Variants in IL1RAPL2 observed in about 807,000 individuals in gnomAD.
IL1RAPL2 encodes the protein interleukin 1 receptor accessory protein like 2, also known as X-linked interleukin-1 receptor accessory protein-like 2.
Under a neutral mutation model 44.1 loss-of-function variants are expected in IL1RAPL2, and 3 were observed. The ratio of observed to expected loss-of-function variants is 0.07; its 90% CI spans 0.03 to 0.18. The LOEUF is 0.18. Ranked by LOEUF, IL1RAPL2 falls within the 10% of genes least tolerant of loss-of-function variation. The pLI, the probability that IL1RAPL2 is intolerant of heterozygous loss-of-function variation, is 1.00. For missense variants in IL1RAPL2, 391 were observed against 496.4 expected, an observed-to-expected ratio of 0.79 and a Z score of 2.02; for synonymous variants, 181 against 178.8, an observed-to-expected ratio of 1.01 and a Z score of -0.10.
intron 3 of IL1RAPL2, among the ~76,000 whole-genome samples, chrX:105,203,976 C>CA (rs1303533795): frequency 3.6e-5 from 4 of 111,371 alleles, no homozygotes; most frequent in South Asian, 7.5e-4. Context: ...TCCTCCTGCC[C>CA]AAAAAAGCCC....
chrX:105,431,575 TC>T (rs1165327463), intron 5 of IL1RAPL2, among the ~76,000 whole-genome samples: 1 of 111,476 alleles, frequency 9.0e-6, no homozygotes, highest in Non-Finnish European at 1.9e-5. Context: ...TAACCAAGCT[TC>T]TTCCCTTAAA....
At chrX:104,902,540 T>G (rs1352385429) in intron 2 of IL1RAPL2, among the ~76,000 whole-genome samples, 1 of 111,345 alleles carries the variant, frequency 9.0e-6, no homozygotes, top group Non-Finnish European at 1.9e-5. Flanking sequence ...CTGTGTAGAT[T>G]TAAAAAGAAA....
At chrX:104,770,931 T>G (rs1307623856) in intron 2 of IL1RAPL2, among the ~76,000 whole-genome samples, 2 of 111,570 alleles carry the variant, frequency 1.8e-5, no homozygotes, top group Non-Finnish European at 3.8e-5. Flanking sequence ...GAGATTCACT[T>G]ATTTTGATGA....
chrX:104,698,294 T>G (rs948281908), intron 2 of IL1RAPL2, among the ~76,000 whole-genome samples: 1 of 112,176 alleles, frequency 8.9e-6, no homozygotes, highest in Non-Finnish European at 1.9e-5. Context: ...AGTCACTAGG[T>G]CCAACTGTAC....
intron 2 of IL1RAPL2, among the ~76,000 whole-genome samples, chrX:105,072,132 A>C (rs1284601494): frequency 9.0e-6 from 1 of 111,204 alleles, no homozygotes; most frequent in Non-Finnish European, 1.9e-5. Flanking sequence ...GTTCTCATAA[A>C]AATGAGGGAG....
At chrX:104,922,097 C>T (rs972403942) in intron 2 of IL1RAPL2, among the ~76,000 whole-genome samples, 3 of 112,116 alleles carry the variant, frequency 2.7e-5, no homozygotes, top group Non-Finnish European at 5.6e-5. Flanking sequence ...CTTGCCCAAC[C>T]CAGCCCTGCC....
chrX:105,546,007 G>A (rs1350248818), intron 6 of IL1RAPL2, among the ~76,000 whole-genome samples: 1 of 111,296 alleles, frequency 9.0e-6, no homozygotes, highest in Non-Finnish European at 1.9e-5. Flanking sequence ...TGTCCAAGAT[G>A]ATCACTTCCA....
intron 2 of IL1RAPL2, among the ~76,000 whole-genome samples, chrX:104,681,205 G>A (rs1358644168): frequency 1.8e-5 from 2 of 111,943 alleles, no homozygotes; most frequent in Non-Finnish European, 3.8e-5. Context: ...TTAATACACT[G>A]AAATGTATAT....
chrX:104,578,919 AATT>A lies in IL1RAPL2; in HGVS notation c.-20+11871_-20+11873del, dbSNP rs770268815. Among the ~76,000 whole-genome samples the A allele has an allele frequency of 1.8e-4, 20 of 111,870 alleles. No individual in the cohort carries two copies. The East Asian group carries it at 5.1e-3, about 28-fold the overall frequency. On this transcript the variant is annotated intron_variant, in intron 1 of 10. Coordinates refer to ENST00000372582, the MANE Select transcript of IL1RAPL2 (RefSeq NM_017416.2). ...CAACTTAATATTCATAATAATGTAA[AATT>A]ATCACATAGCTATATTTGAATAATT...
At chrX:105,405,896 G>A in intron 5 of IL1RAPL2, 1 of 1,166,800 alleles carries the variant, frequency 8.6e-7, no homozygotes, top group Non-Finnish European at 1.2e-6. Flanking sequence ...AAGGTGGACT[G>A]ATTGATGATA....
At position 104,911,483 on chromosome X, in the gene IL1RAPL2, G is replaced by A. The variant is rs1220555142; in HGVS notation, c.82+252488G>A. 3.6e-5 allele frequency among the ~76,000 whole-genome samples: 4 copies of A among 110,981 alleles called. 1 individual carries two copies. Among genetic ancestry groups the A allele is most frequent in the Non-Finnish European group, 5.7e-5 (3 of 52,968 alleles). ...TTATACTCAATATCTAGTGAGTGAG[G>A]TCCTGTTGACTCTGCCTCTTAAACA... is the stretch of plus-strand genomic sequence containing the variant. On this transcript the variant is annotated intron_variant, in intron 2 of 10. Coordinates refer to ENST00000372582, the MANE Select transcript of IL1RAPL2 (RefSeq NM_017416.2).
chrX:104,783,729 T>A (rs1932785542), intron 2 of IL1RAPL2, among the ~76,000 whole-genome samples: 1 of 108,323 alleles, frequency 9.2e-6, no homozygotes, highest in South Asian at 4.2e-4. Flanking sequence ...CAGCTCTGTA[T>A]CTTCAATGTC....
intron 5 of IL1RAPL2, among the ~76,000 whole-genome samples, chrX:105,482,642 A>C (rs2036240086): frequency 9.0e-6 from 1 of 111,488 alleles, no homozygotes; most frequent in Non-Finnish European, 1.9e-5. Flanking sequence ...GAATCTCTCC[A>C]AATTTGTATA....
At chrX:105,471,323 A>G (rs2036164422) in intron 5 of IL1RAPL2, among the ~76,000 whole-genome samples, 2 of 112,205 alleles carry the variant, frequency 1.8e-5, no homozygotes, top group Admixed American at 1.9e-4. Context: ...TTAACACAGA[A>G]CCTATGCTTT....
At chrX:104,608,482 G>A (rs745520713) in intron 1 of IL1RAPL2, among the ~76,000 whole-genome samples, 7 of 110,410 alleles carry the variant, frequency 6.3e-5, no homozygotes, top group Non-Finnish European at 1.1e-4. Flanking sequence ...TCTCTTTGTA[G>A]TTCTCTAAGA....
At chrX:104,895,198 G>A (rs1923603435) in intron 2 of IL1RAPL2, among the ~76,000 whole-genome samples, 1 of 112,141 alleles carries the variant, frequency 8.9e-6, no homozygotes, top group Admixed American at 9.4e-5. Context: ...TGCCCCTACT[G>A]GGGGGTGCCT....
chrX:105,492,877 T>C (rs2036331020), intron 6 of IL1RAPL2, among the ~76,000 whole-genome samples: 1 of 110,729 alleles, frequency 9.0e-6, no homozygotes, highest in African/African-American at 3.3e-5. Flanking sequence ...TCATAACATT[T>C]TCAACACCCC....
intron 3 of IL1RAPL2, among the ~76,000 whole-genome samples, chrX:105,198,646 G>C (rs2033691483): frequency 9.0e-6 from 1 of 111,522 alleles, no homozygotes; most frequent in South Asian, 3.7e-4. Context: ...CCTCTTTTCT[G>C]TTTCAGTATC....
chrX:105,068,949 G>A (rs1374276597), intron 2 of IL1RAPL2, among the ~76,000 whole-genome samples: 4 of 112,306 alleles, frequency 3.6e-5, no homozygotes, highest in African/African-American at 1.3e-4. Context: ...AGAAGAACAG[G>A]TTTCTGGAAC....
Sources: gnomAD v4.1 joint callset for allele counts (sites outside exome capture counted in the v4.1 genomes callset) on GRCh38, gnomAD v4.1.1 for gene constraint, MANE v1.5 for transcripts, NCBI Gene and HGNC (gene_info 2026-07-23, HGNC 2026-07-21) for gene names.